Variants in PACRG observed in about 807,000 individuals in gnomAD.
The protein encoded by PACRG is parkin coregulated gene protein.
PACRG carries 29 observed loss-of-function variants against 29.7 expected under a neutral mutation model. The ratio of observed to expected loss-of-function variants is 0.98; its 90% CI spans 0.73 to 1.33. The LOEUF (loss-of-function observed/expected upper bound fraction) is 1.33. PACRG is among the 40% of genes most tolerant of loss of function. PACRG has a pLI of 0.00. For synonymous variants in PACRG, 116 were observed against 118.7 expected (o/e 0.98, Z 0.15); for missense variants, 279 against 316.2 (o/e 0.88, Z 0.89).
intron 2 of PACRG, among the ~76,000 whole-genome samples, chr6:163,005,764 T>TTA (rs970828434): frequency 1.1e-4 from 16 of 149,630 alleles, no homozygotes; most frequent in Admixed American, 1.0e-3. Flanking sequence ...CTCTGAAATT[T>TTA]TATATATATA....
chr6:163,139,430 T>C (rs1817066989), intron 4 of PACRG, among the ~76,000 whole-genome samples: 1 of 122,774 alleles, frequency 8.1e-6, no homozygotes. Context: ...CTGACATCTT[T>C]CTGACCATGG....
chr6:162,973,391 C>G (rs1242708736), intron 2 of PACRG, among the ~76,000 whole-genome samples: 2 of 152,218 alleles, frequency 1.3e-5, no homozygotes, highest in Non-Finnish European at 2.9e-5. Context: ...AGGCCTGGCT[C>G]CATTTCATGC....
At position 162,983,325 on chromosome 6, in the gene PACRG, G is replaced by A. The variant is rs557618438; in HGVS notation, c.292-78825G>A. 1.1e-4 allele frequency among the ~76,000 whole-genome samples: 17 copies of A among 152,062 alleles called. No homozygotes were observed. In the South Asian group the frequency reaches 1.5e-3, roughly 13 times the overall value. ...ACATTCACTGTTAATATTGAGATGT[G>A]AGGTACTGTTTTATTCATCATGCTA... On this transcript the variant is annotated intron_variant, in intron 2 of 4. Coordinates refer to ENST00000366888, the MANE Select transcript of PACRG (RefSeq NM_001080379.2).
intron 4 of PACRG, among the ~76,000 whole-genome samples, chr6:163,277,693 A>G (rs190379331): frequency 7.1e-4 from 106 of 149,724 alleles, no homozygotes; most frequent in African/African-American, 2.5e-3. Context: ...ATCTATATCT[A>G]TATATATAGA....
intron 1 of PACRG, 138 bp from the exon 2 acceptor site, chr6:162,814,009 G>C: frequency 2.3e-6 from 2 of 870,852 alleles, no homozygotes; most frequent in East Asian, 2.9e-5. Context: ...GATTTCTGTT[G>C]TCCCTTATTT....
chr6:162,825,060 T>C (rs1019010827), intron 2 of PACRG, among the ~76,000 whole-genome samples: 1 of 152,170 alleles, frequency 6.6e-6, no homozygotes, highest in Non-Finnish European at 1.5e-5. Flanking sequence ...GTTTTTCTTG[T>C]ATTTCAGTTT....
At chr6:163,232,151 G>A (rs974649390) in intron 4 of PACRG, among the ~76,000 whole-genome samples, 9 of 152,220 alleles carry the variant, frequency 5.9e-5, no homozygotes, top group Non-Finnish European at 1.2e-4. Context: ...AGTGGCTGAG[G>A]TGAGTGCCTC....
chr6:163,246,282 C>T (rs1337885884), intron 4 of PACRG, among the ~76,000 whole-genome samples: 1 of 152,174 alleles, frequency 6.6e-6, no homozygotes, highest in Non-Finnish European at 1.5e-5. Flanking sequence ...AGTCTTGCTG[C>T]TCTTCCAGCA....
At chr6:163,156,132 T>C (rs1430140295) in intron 4 of PACRG, among the ~76,000 whole-genome samples, 1 of 152,214 alleles carries the variant, frequency 6.6e-6, no homozygotes, top group Non-Finnish European at 1.5e-5. Flanking sequence ...CAGTCTCCTC[T>C]GGCTCTTGGC....
chr6:163,269,948 AAAGAAAGAAAGAAAGAAAG>A (rs1783736804), intron 4 of PACRG, among the ~76,000 whole-genome samples: 1 of 50,832 alleles, frequency 2.0e-5, no homozygotes, highest in Non-Finnish European at 3.7e-5. Flanking sequence ...AGAAAGAAAG[AAAGAAAGAAAGAAAGAAAG>A]AAAGAAAGAA....
intron 4 of PACRG, among the ~76,000 whole-genome samples, chr6:163,225,814 G>A (rs1219811617): frequency 1.3e-5 from 2 of 152,188 alleles, no homozygotes; most frequent in African/African-American, 4.8e-5. Flanking sequence ...CAACCTAAGT[G>A]TCCATCAGTC....
chr6:163,106,592 C>T (rs1815394446), intron 4 of PACRG, among the ~76,000 whole-genome samples: 1 of 152,138 alleles, frequency 6.6e-6, no homozygotes, highest in African/African-American at 2.4e-5. Flanking sequence ...AAATGTATAA[C>T]ATGAGCAATA....
intron 4 of PACRG, among the ~76,000 whole-genome samples, chr6:163,294,672 T>A (rs1784726752): frequency 6.6e-6 from 1 of 152,244 alleles, no homozygotes; most frequent in South Asian, 2.1e-4. Flanking sequence ...TTTGTAATTA[T>A]AATTGTTAAT....
intron 4 of PACRG, among the ~76,000 whole-genome samples, chr6:163,156,717 A>G (rs1437659799): frequency 6.6e-6 from 1 of 152,234 alleles, no homozygotes. Flanking sequence ...AGGTATCTAC[A>G]GAACCGTGTC....
intron 2 of PACRG, among the ~76,000 whole-genome samples, chr6:163,001,690 A>G (rs908620018): frequency 2.0e-5 from 3 of 152,094 alleles, no homozygotes; most frequent in Admixed American, 2.0e-4. Context: ...TTCTTGGTGG[A>G]ATTTGATTTC....
chr6:163,159,644 T>C (rs1778469018), intron 4 of PACRG, among the ~76,000 whole-genome samples: 1 of 152,296 alleles, frequency 6.6e-6, no homozygotes, highest in African/African-American at 2.4e-5. Context: ...TTATCTTATT[T>C]ACTTTTACAA....
intron 4 of PACRG, among the ~76,000 whole-genome samples, chr6:163,153,214 T>C (rs1386196288): frequency 6.6e-6 from 1 of 152,240 alleles, no homozygotes; most frequent in East Asian, 1.9e-4. Flanking sequence ...CAGGAATTTT[T>C]AGTCTTTATG....
intron 3 of PACRG, among the ~76,000 whole-genome samples, chr6:163,063,942 C>T (rs559092523): frequency 1.1e-4 from 17 of 152,274 alleles, no homozygotes; most frequent in African/African-American, 3.6e-4. Context: ...TTTTTGAATA[C>T]ATTAAATTCT....
intron 4 of PACRG, among the ~76,000 whole-genome samples, chr6:163,302,311 A>C (rs1473368823): frequency 6.6e-6 from 1 of 151,730 alleles, no homozygotes; most frequent in Admixed American, 6.6e-5. Context: ...TAAAGCCTTA[A>C]ACATTTGTAA....
Sources: gnomAD v4.1 joint callset for allele counts (sites outside exome capture counted in the v4.1 genomes callset) on GRCh38, gnomAD v4.1.1 for gene constraint, MANE v1.5 for transcripts, NCBI Gene and HGNC (gene_info 2026-07-23, HGNC 2026-07-21) for gene names.